The following SRPX2 variants were observed in gnomAD, a reference collection of about 807,000 sequenced individuals.
The protein encoded by SRPX2 is sushi repeat containing protein X-linked 2.
A neutral mutation model predicts 45.3 loss-of-function variants in SRPX2; 26 were observed. The ratio of observed to expected loss-of-function variants is 0.57; its 90% CI spans 0.42 to 0.80. The LOEUF (loss-of-function observed/expected upper bound fraction) is 0.80, where lower values mean the gene tolerates loss of function less well. Among genes scored for constraint, SRPX2 ranks in the 30% least tolerant of loss-of-function variants. The pLI is 0.00. For missense variants in SRPX2, 355 were observed against 399.8 expected (o/e 0.89, Z 0.95); for synonymous variants, 125 against 143.7 (o/e 0.87, Z 0.93).
chrX:100,649,455 C>G (rs1295789943), intron 2 of SRPX2: 1 of 110,205 alleles, frequency 9.1e-6, no homozygotes, highest in African/African-American at 3.3e-5. Flanking sequence ...CAACGGAAGC[C>G]AGAAGAAGAA....
At chrX:100,661,567 C>T (rs758808606) in intron 3 of SRPX2, among the ~76,000 whole-genome samples, 105 of 111,928 alleles carry the variant, frequency 9.4e-4, no homozygotes, top group African/African-American at 3.3e-3. Context: ...GTCAGGAGAT[C>T]GAGACCATCC....
chrX:100,667,517 T>C, intron 9 of SRPX2, 110 bp downstream of exon 9: 1 of 975,745 alleles, frequency 1.0e-6, no homozygotes, highest in East Asian at 3.1e-5. Flanking sequence ...CTGAAACTTT[T>C]TGTGGATAGC....
intron 2 of SRPX2, among the ~76,000 whole-genome samples, chrX:100,648,541 C>A (rs1025852240): frequency 4.6e-5 from 5 of 108,058 alleles, no homozygotes; most frequent in Non-Finnish European, 9.4e-5. Flanking sequence ...TAGTATTCCA[C>A]CATTTGCAAA....
intron 2 of SRPX2, among the ~76,000 whole-genome samples, chrX:100,648,183 T>A (rs1013676771): frequency 8.9e-6 from 1 of 112,424 alleles, no homozygotes; most frequent in African/African-American, 3.2e-5. Flanking sequence ...GTTAAGAATA[T>A]AAATAAAGCA....
chrX:100,652,435 T>C (rs1016827672), intron 3 of SRPX2, among the ~76,000 whole-genome samples: 2 of 111,890 alleles, frequency 1.8e-5, no homozygotes, highest in Admixed American at 9.5e-5. Flanking sequence ...GTTGTGTGAG[T>C]CATCAGCTTA....
intron 3 of SRPX2, chrX:100,651,223 G>A: frequency 4.8e-6 from 1 of 207,915 alleles, no homozygotes; most frequent in Non-Finnish European, 8.7e-6. Context: ...CACATGTAGG[G>A]CAAGTAAGTG....
Position 100,665,580 on chromosome X carries a change from G to A in SRPX2, c.704G>A (p.Gly235Glu). The stretch of plus-strand genomic sequence containing the variant: ...GAGCCTGGCTCTCACTTTCCCGAAG[G>A]AGAGCATGTGATTCGTTACACTGCC... The part of the protein sequence containing the change: ...GPEPGSHFPE[G>E]EHVIRYTAYD... Residue 235 changes from glycine to glutamate, a missense_variant, in exon 7 of 11, where the codon GGA (glycine) becomes GAA (glutamate). Physicochemically the swap from Gly to Glu is moderately conservative, Grantham distance 98 (BLOSUM62 -2). Transcript: ENST00000373004. The A allele has an allele frequency of 3.3e-6, 4 of 1,211,963 alleles. No individual in the cohort carries two copies. Among genetic ancestry groups the A allele is most frequent in the Non-Finnish European group, 4.5e-6 (4 of 895,576 alleles).
chrX:100,665,212 C>G lies in SRPX2; in HGVS notation c.533-31C>G, dbSNP rs755581646. The G allele has an allele frequency of 8.3e-6, 10 of 1,207,750 alleles. 1 individual carries two copies. The South Asian group carries it at 1.4e-4, about 17-fold the overall frequency. On this transcript the variant is annotated intron_variant, in intron 5 of 10. Transcript: ENST00000373004. ...CCCTCCAGGGAAAGCAAGGGGCCCA[C>G]GAGTCAGCACTTGATTTTTCATCTT...
chrX:100,647,575 C>T (rs186903389), intron 2 of SRPX2, among the ~76,000 whole-genome samples: 72 of 111,891 alleles, frequency 6.4e-4, no homozygotes, highest in African/African-American at 2.3e-3. Flanking sequence ...TGCAACTGTC[C>T]TCCCCAACCT....
In SRPX2 at chrX:100,669,379, G is replaced by A; in HGVS notation, c.1217+10G>A. ...TCATCGAGGAGCTCAGGTCCAGGCT[G>A]GGAGGCTGCCAAACTTGGGGGGAGG... On this transcript the variant is annotated intron_variant, in intron 10 of 10. Transcript: ENST00000373004. 9.7e-7 allele frequency: 1 copy of A among 1,031,403 alleles called. No homozygotes were observed. Among genetic ancestry groups the A allele is most frequent in the Admixed American group, 2.8e-5 (1 of 35,447 alleles). The allele number at this position is 1,031,403 out of a possible 1,213,427, so 85.0% of individuals were successfully genotyped here. A position where few individuals can be genotyped will look rare whatever the true frequency, so the allele number is the denominator to read the frequency against.
chrX:100,665,720 A>G, intron 7 of SRPX2, 63 bp downstream of exon 7: 1 of 1,196,636 alleles, frequency 8.4e-7, no homozygotes, highest in Non-Finnish European at 1.1e-6. Context: ...GACCCACCCC[A>G]TGTCTCTCCT....
chrX:100,667,376 G>A lies in SRPX2; in HGVS notation c.1064G>A (p.Arg355Gln), dbSNP rs541303724. The A allele has an allele frequency of 6.8e-5, 82 of 1,209,978 alleles. No homozygotes were observed. In the South Asian group the frequency reaches 1.0e-3, roughly 15 times the overall value. Residue 355 changes from arginine to glutamine, a missense_variant, in exon 9 of 11, where the codon CGA becomes CAA. Transcript: ENST00000373004. ...ATCTCAGCTCCTGATCCTTCCAACCGATATTATAAAATGCAGATCTCTATG... is the reference window on the plus strand; with the variant it reads ...ATCTCAGCTCCTGATCCTTCCAACCAATATTATAAAATGCAGATCTCTATG... ...LIISAPDPSN[R>Q]YYKMQISMLQ... is the part of the protein sequence containing the mutation.
At chrX:100,648,867 A>G (rs1280428153) in intron 2 of SRPX2, among the ~76,000 whole-genome samples, 1 of 112,281 alleles carries the variant, frequency 8.9e-6, no homozygotes, top group Non-Finnish European at 1.9e-5. Flanking sequence ...CCTAATCACC[A>G]TCTTCAGTGG....
At chrX:100,646,601 A>G (rs1347224216) in intron 2 of SRPX2, among the ~76,000 whole-genome samples, 197 bp downstream of exon 2, 1 of 112,323 alleles carries the variant, frequency 8.9e-6, no homozygotes, top group East Asian at 2.8e-4. Flanking sequence ...GAGCTATTTG[A>G]AATAGGTGAA....
intron 3 of SRPX2, among the ~76,000 whole-genome samples, chrX:100,655,117 C>G (rs1276765165): frequency 1.8e-5 from 2 of 112,336 alleles, no homozygotes; most frequent in East Asian, 5.6e-4. Flanking sequence ...CGCTTCTCCC[C>G]CTTCCAGCTC....
At chrX:100,666,268 A>G (rs1350875117) in intron 7 of SRPX2, among the ~76,000 whole-genome samples, 1 of 112,273 alleles carries the variant, frequency 8.9e-6, no homozygotes, top group Non-Finnish European at 1.9e-5. Flanking sequence ...TTCACTTTTC[A>G]TTAACAAAGT....
At position 100,664,773 on chromosome X, in the gene SRPX2, G is replaced by A. The variant is rs1324505107; in HGVS notation, c.356-1G>A. ...GAGCTTGCCACTTGGTTTTCTCTTAGAGATGAGATGCCACGCACTACCATT... is the reference window on the plus strand; with the variant it reads ...GAGCTTGCCACTTGGTTTTCTCTTAAAGATGAGATGCCACGCACTACCATT... On this transcript the variant is annotated splice_acceptor_variant, in intron 4 of 10. Transcript: ENST00000373004. LOFTEE classifies it high-confidence loss of function. The A allele has an allele frequency of 1.7e-6, 2 of 1,201,395 alleles. No homozygotes were observed. The highest frequency in any genetic ancestry group is 2.2e-6 in the Non-Finnish European group (2 of 890,730).
At chrX:100,667,477 G>A in intron 9 of SRPX2, 70 bp downstream of exon 9, 2 of 1,163,789 alleles carry the variant, frequency 1.7e-6, no homozygotes, top group Admixed American at 2.2e-5. Context: ...AATCAGAGTT[G>A]TTCTCTGCAG....
At chrX:100,645,830 C>T (rs1049866230) in intron 1 of SRPX2, among the ~76,000 whole-genome samples, 2 of 112,067 alleles carry the variant, frequency 1.8e-5, no homozygotes, top group Non-Finnish European at 3.8e-5. Context: ...TGTTCAAATT[C>T]TTAGACCACA....
Sources: allele counts gnomAD v4.1 joint callset (sites outside exome capture counted in the v4.1 genomes callset), GRCh38; gene constraint gnomAD v4.1.1; transcripts MANE v1.5; gene names NCBI Gene and HGNC (gene_info 2026-07-23, HGNC 2026-07-21).